RUNX1: variants seen among roughly 807,000 people sequenced by gnomAD.
RUNX1 encodes runt-related transcription factor 1.
A neutral mutation model predicts 42.8 loss-of-function variants in RUNX1; 19 were observed. The observed-to-expected ratio is 0.44, with a 90% confidence interval of 0.31 to 0.65. The LOEUF (loss-of-function observed/expected upper bound fraction) is 0.65, where lower values mean the gene tolerates loss of function less well. Among genes scored for constraint, RUNX1 ranks in the 30% least tolerant of loss-of-function variants. The pLI, the probability that RUNX1 is intolerant of heterozygous loss-of-function variation, is 0.07. For synonymous variants in RUNX1, 271 were observed against 289.4 expected (o/e 0.94, Z 0.64); for missense variants, 528 against 672.0 (o/e 0.79, Z 2.37).
intron 2 of RUNX1, among the ~76,000 whole-genome samples, chr21:34,989,167 C>T (rs1011796794): frequency 4.6e-5 from 7 of 152,120 alleles, no homozygotes; most frequent in African/African-American, 1.7e-4. Flanking sequence ...CGCCGCCACA[C>T]CCAGCTAATT....
At chr21:34,879,152 A>T (rs561241304) in intron 5 of RUNX1, among the ~76,000 whole-genome samples, 2 of 152,176 alleles carry the variant, frequency 1.3e-5, no homozygotes, top group African/African-American at 4.8e-5. Context: ...TGTTTTCTAG[A>T]CACACATCTC....
intron 6 of RUNX1, among the ~76,000 whole-genome samples, chr21:34,835,642 C>T (rs1270249977): frequency 6.6e-6 from 1 of 152,132 alleles, no homozygotes; most frequent in African/African-American, 2.4e-5. Context: ...AGGCCTGGGC[C>T]ATTCATTTCT....
intron 3 of RUNX1, chr21:34,888,718 T>C: frequency 9.7e-7 from 1 of 1,026,838 alleles, no homozygotes; most frequent in South Asian, 4.6e-5. Flanking sequence ...ATGAACGTGC[T>C]TTTACTGTAA....
In RUNX1 at chr21:34,927,290, T is replaced by C. The variant is rs147474097; in HGVS notation, c.59-34327A>G. ...TCAGCCTCCTCTTCCCTTGCCACAC[T>C]CCACGTAACACAGAATGCACAAGAC... On this transcript the variant is annotated intron_variant, in intron 2 of 8. Coordinates refer to ENST00000675419, the MANE Select transcript of RUNX1 (RefSeq NM_001754.5). Among the ~76,000 whole-genome samples, 10 of 152,234 alleles carry C rather than the reference T, an allele frequency of 6.6e-5. No homozygotes were observed. In the East Asian group the frequency reaches 1.5e-3, roughly 24 times the overall value.
intron 7 of RUNX1, among the ~76,000 whole-genome samples, chr21:34,810,424 A>G (rs185602965): frequency 6.6e-6 from 1 of 152,252 alleles, no homozygotes; most frequent in Non-Finnish European, 1.5e-5. Flanking sequence ...ATTCAAAACA[A>G]TAAACATGAA....
intron 6 of RUNX1, 44 bp downstream of exon 6, chr21:34,859,430 G>A (rs1208308490): frequency 7.5e-7 from 1 of 1,330,422 alleles, no homozygotes; most frequent in East Asian, 2.3e-5. Flanking sequence ...CCTGGAGGGT[G>A]TACCAGCCTG....
At chr21:34,830,303 C>T (rs561442792) in intron 7 of RUNX1, among the ~76,000 whole-genome samples, 20 of 152,092 alleles carry the variant, frequency 1.3e-4, no homozygotes, top group Non-Finnish European at 2.9e-4. Context: ...TGCTCATATA[C>T]CCCCTCTTTC....
chr21:34,930,270 G>GTGTGTGTGTATATA (rs372412304), intron 2 of RUNX1, among the ~76,000 whole-genome samples: 1 of 123,018 alleles, frequency 8.1e-6, no homozygotes, highest in African/African-American at 3.8e-5. Flanking sequence ...GTGTGTGTAT[G>GTGTGTGTGTATATA]TATATATATA....
intron 8 of RUNX1, among the ~76,000 whole-genome samples, chr21:34,796,238 CAT>C (rs1601341611): frequency 6.6e-6 from 1 of 152,374 alleles, no homozygotes; most frequent in East Asian, 1.9e-4. Flanking sequence ...TCTATGTACA[CAT>C]GAGCAACGTC....
chr21:34,808,412 A>G (rs1360451577), intron 7 of RUNX1, among the ~76,000 whole-genome samples: 1 of 152,064 alleles, frequency 6.6e-6, no homozygotes, highest in East Asian at 1.9e-4. Context: ...CCGCCTCTCC[A>G]CCACTCCCTG....
At chr21:34,842,038 T>C (rs2057243982) in intron 6 of RUNX1, among the ~76,000 whole-genome samples, 1 of 152,206 alleles carries the variant, frequency 6.6e-6, no homozygotes, top group Non-Finnish European at 1.5e-5. Context: ...AGGTCCTTCA[T>C]GATTGGTGCT....
chr21:35,028,183 A>G (rs938358672), intron 2 of RUNX1, among the ~76,000 whole-genome samples: 15 of 152,216 alleles, frequency 9.9e-5, no homozygotes, highest in African/African-American at 3.6e-4. Context: ...AAAGGTTCTT[A>G]AAGTATGGCT....
intron 2 of RUNX1, among the ~76,000 whole-genome samples, chr21:34,905,881 T>C (rs1399230954): frequency 6.6e-6 from 1 of 152,130 alleles, no homozygotes; most frequent in East Asian, 1.9e-4. Flanking sequence ...TAAAAACTTC[T>C]CTAGAAAAAA....
intron 2 of RUNX1, among the ~76,000 whole-genome samples, chr21:34,983,046 C>A (rs2058859344): frequency 2.0e-5 from 3 of 152,150 alleles, no homozygotes; most frequent in African/African-American, 7.2e-5. Flanking sequence ...GTTCTTCATC[C>A]TTTTTGGTTC....
intron 7 of RUNX1, chr21:34,834,019 GT>G: frequency 4.1e-6 from 1 of 241,014 alleles, no homozygotes; most frequent in Non-Finnish European, 8.5e-6. Flanking sequence ...TTTGCTTGAC[GT>G]GTGTGTGTGT....
At position 34,843,262 on chromosome 21, in the gene RUNX1, G is replaced by A. The variant is rs1000856861; in HGVS notation, c.614-8661C>T. 6.6e-6 allele frequency among the ~76,000 whole-genome samples: 1 copy of A among 151,616 alleles called. No individual in the cohort carries two copies. Among genetic ancestry groups the A allele is most frequent in the Non-Finnish European group, 1.5e-5 (1 of 67,926 alleles). On this transcript the variant is annotated intron_variant, in intron 6 of 8. Transcript: ENST00000675419. The surrounding 1 kb of genome is among the most constrained non-coding windows in gnomAD (Gnocchi z 4.8). ...GGATACACACATATAAATACACACA[G>A]ACACATGTACATACGTCACACAGAC... is the stretch of plus-strand genomic sequence containing the variant.
chr21:34,997,023 AG>A (rs1483187276), intron 2 of RUNX1, among the ~76,000 whole-genome samples: 2 of 152,270 alleles, frequency 1.3e-5, no homozygotes, highest in East Asian at 3.8e-4. Flanking sequence ...AAATTCCCTT[AG>A]CCAAACTGAA....
At chr21:34,802,365 A>G (rs1308154003) in intron 7 of RUNX1, among the ~76,000 whole-genome samples, 5 of 152,214 alleles carry the variant, frequency 3.3e-5, no homozygotes, top group African/African-American at 1.2e-4. Context: ...GAATAAGACC[A>G]ACATGGTCCC....
chr21:34,981,453 T>C (rs2058845875), intron 2 of RUNX1, among the ~76,000 whole-genome samples: 1 of 152,220 alleles, frequency 6.6e-6, no homozygotes, highest in East Asian at 1.9e-4. Flanking sequence ...ATGGAGTCCC[T>C]GGACCTATTC....
Sources: gnomAD v4.1 joint callset for allele counts (sites outside exome capture counted in the v4.1 genomes callset) on GRCh38, gnomAD v4.1.1 for gene constraint, Gnocchi (gnomAD v3.1) non-coding constraint, MANE v1.5 for transcripts, NCBI Gene and HGNC (gene_info 2026-07-23, HGNC 2026-07-21) for gene names.